The following SMARCA4 variants were observed in gnomAD, a reference collection of about 807,000 sequenced individuals.
SMARCA4 encodes SWI/SNF-related matrix-associated actin-dependent regulator of chromatin subfamily A member 4.
SMARCA4 carries 31 observed loss-of-function variants against 193.9 expected under a neutral mutation model. The observed-to-expected ratio is 0.16, with a 90% CI of 0.12 to 0.22. The LOEUF is 0.22. Among genes scored for constraint, SMARCA4 ranks in the 10% least tolerant of loss-of-function variants. SMARCA4 has a pLI of 1.00. For missense variants in SMARCA4, 1,148 were observed against 2,296.0 expected (o/e 0.50, Z 10.22); for synonymous variants, 942 against 933.1 (o/e 1.01, Z -0.17).
At chr19:11,005,026 G>C (rs907259586) in intron 13 of SMARCA4, among the ~76,000 whole-genome samples, 1 of 152,098 alleles carries the variant, frequency 6.6e-6, no homozygotes, top group African/African-American at 2.4e-5. Flanking sequence ...AGTAGAGACA[G>C]GGTTTCACCA....
chr19:11,055,133 A>T (rs149480795), intron 30 of SMARCA4, among the ~76,000 whole-genome samples: 1 of 152,200 alleles, frequency 6.6e-6, no homozygotes, highest in Non-Finnish European at 1.5e-5. Context: ...ATTCATCCAG[A>T]ACGTAATTCT....
Position 10,987,720 on chromosome 19 carries a change from C to A in SMARCA4, c.914C>A (p.Pro305Gln), listed in dbSNP as rs138097741. 1.2e-6 allele frequency: 2 copies of A among 1,610,316 alleles called. No homozygotes were observed. Among genetic ancestry groups the A allele is most frequent in the Non-Finnish European group, 1.7e-6 (2 of 1,178,084 alleles). The stretch of plus-strand genomic sequence containing the variant: ...AGCACCCCTCAGAAGCTGATTCCCC[C>A]GCAGCCAACGGGCCGCCCTTCCCCC... The part of the protein sequence containing the change: ...PTSTPQKLIP[P>Q]QPTGRPSPAP... The change falls in exon 6 of 35, where the codon CCG (proline) becomes CAG (glutamine). Residue 305 changes from proline to glutamine, a missense_variant. Physicochemically the swap from Pro to Gln is moderately conservative, Grantham distance 76. Transcript: ENST00000344626. The surrounding 1 kb of genome is among the most constrained non-coding windows in gnomAD (Gnocchi z 5.3).
At chr19:11,012,806 A>G in intron 15 of SMARCA4, 143 bp from the exon 16 acceptor site, 1 of 748,996 alleles carries the variant, frequency 1.3e-6, no homozygotes, top group Non-Finnish European at 2.4e-6. Context: ...TTCAGAGGAA[A>G]AATCCGTGGT....
intron 15 of SMARCA4, 173 bp from the exon 16 acceptor site, chr19:11,012,776 G>A (rs1281987162): frequency 2.3e-5 from 16 of 687,058 alleles, no homozygotes; most frequent in Non-Finnish European, 5.3e-6. Context: ...ATGAGGCTAA[G>A]CGATAAAGAA....
In SMARCA4 at chr19:11,058,901, G is replaced by T. The variant is rs34930626; in HGVS notation, c.4635+12G>T. The T allele has an allele frequency of 8.7e-6, 14 of 1,608,010 alleles. No individual in the cohort carries two copies. The highest frequency in any genetic ancestry group is 1.2e-5 in the Non-Finnish European group (14 of 1,174,906). On this transcript the variant is annotated intron_variant, in intron 32 of 34. Transcript: ENST00000344626. This position sits in a 1 kb window ranked among gnomAD's most constrained non-coding sequence, Gnocchi z 5.8. ...TGGAGGGCTCCCTGGTGAGGGCACC[G>T]CTGGGGGTTGGGGATGGGCCACTCC...
intron 11 of SMARCA4, among the ~76,000 whole-genome samples, chr19:10,998,266 C>G (rs917314771): frequency 2.0e-5 from 3 of 152,184 alleles, no homozygotes; most frequent in African/African-American, 7.2e-5. Flanking sequence ...TTATGTGTCT[C>G]TGGCAGGCAG....
chr19:10,966,302 A>C (rs1308353999), intron 1 of SMARCA4, among the ~76,000 whole-genome samples: 2 of 152,100 alleles, frequency 1.3e-5, no homozygotes, highest in Non-Finnish European at 2.9e-5. Context: ...AAAAATATCA[A>C]ATGTTCAGCC....
chr19:11,039,443 A>G lies in SMARCA4; in HGVS notation c.4171-1864A>G, dbSNP rs2075447807. The G allele has an allele frequency of 1.3e-6, 2 of 1,561,954 alleles. No homozygotes were observed. The highest frequency in any genetic ancestry group is 1.4e-5 in the African/African-American group (1 of 72,878). On this transcript the variant is annotated intron_variant, in intron 29 of 34. Coordinates refer to ENST00000344626, the MANE Select transcript of SMARCA4 (RefSeq NM_003072.5). ...CACTGAAACACTAAACAGACATTAAAAAATTTTGTTGTAGAAAATTACAGG... is the reference window on the plus strand; with the variant it reads ...CACTGAAACACTAAACAGACATTAAGAAATTTTGTTGTAGAAAATTACAGG...
Position 11,062,219 on chromosome 19 carries a change from G to C in SMARCA4, c.*403G>C. ...GTCAGACTCGCCGGGGGCCCGGCGA[G>C]GGTATGTCAGTGTCACTGGATGTCA... On this transcript the variant is annotated 3_prime_UTR_variant, in exon 35 of 35. Coordinates refer to ENST00000344626, the MANE Select transcript of SMARCA4 (RefSeq NM_003072.5). 3.3e-6 allele frequency: 1 copy of C among 303,258 alleles called. No individual in the cohort carries two copies. Among genetic ancestry groups the C allele is most frequent in the East Asian group, 5.1e-5 (1 of 19,566 alleles). The allele number at this position is 303,258 out of a possible 1,614,324, so 18.8% of individuals were successfully genotyped here.
intron 30 of SMARCA4, among the ~76,000 whole-genome samples, chr19:11,054,492 A>G (rs1473191014): frequency 6.6e-6 from 1 of 152,170 alleles, no homozygotes; most frequent in Admixed American, 6.5e-5. Context: ...CTTTAGCCTC[A>G]TGCTTAAGAT....
intron 1 of SMARCA4, among the ~76,000 whole-genome samples, chr19:10,980,299 G>A (rs1258580508): frequency 1.3e-5 from 2 of 152,116 alleles, no homozygotes; most frequent in East Asian, 1.9e-4. Flanking sequence ...GTGAAACCCC[G>A]TGCTTCTAAA....
chr19:11,016,094 C>T (rs1189813606), intron 16 of SMARCA4: 2 of 152,152 alleles, frequency 1.3e-5, no homozygotes, highest in African/African-American at 4.8e-5. Flanking sequence ...GCGGATTCCA[C>T]TCCTGGTGGA....
At chr19:11,003,219 C>A in intron 12 of SMARCA4, 60 bp downstream of exon 12, 1 of 1,611,862 alleles carries the variant, frequency 6.2e-7, no homozygotes, top group Non-Finnish European at 8.5e-7. Flanking sequence ...GGGCCTTGTT[C>A]CAGGGAGGTG....
Position 11,058,626 on chromosome 19 carries a change from C to T in SMARCA4, c.4534-162C>T, listed in dbSNP as rs1243386760. On this transcript the variant is annotated intron_variant, in intron 31 of 34. Coordinates refer to ENST00000344626, the MANE Select transcript of SMARCA4 (RefSeq NM_003072.5). This position sits in a 1 kb window ranked among gnomAD's most constrained non-coding sequence, Gnocchi z 5.8. ...CACTTAGTGCTGGGCCTCAGTCATG[C>T]AGTTCCCATGCCTAGTGAGCCAGGT... 6.6e-6 allele frequency among the ~76,000 whole-genome samples: 1 copy of T among 152,136 alleles called. No individual in the cohort carries two copies. The highest frequency in any genetic ancestry group is 1.5e-5 in the Non-Finnish European group (1 of 68,012).
intron 1 of SMARCA4, among the ~76,000 whole-genome samples, chr19:10,979,533 T>TA (rs1412406486): frequency 4.2e-4 from 61 of 144,324 alleles, no homozygotes; most frequent in South Asian, 1.7e-3. Flanking sequence ...TAAGCTAATT[T>TA]AAAAAAAAAA....
At chr19:11,060,892 T>A (rs750679155) in intron 34 of SMARCA4, among the ~76,000 whole-genome samples, 8 of 152,138 alleles carry the variant, frequency 5.3e-5, no homozygotes, top group Non-Finnish European at 1.2e-4. Context: ...AAGACGCACG[T>A]GACGTTTGAG....
In SMARCA4 at chr19:10,989,289, C is replaced by T. The variant is rs113425538; in HGVS notation, c.1119-28C>T. On this transcript the variant is annotated intron_variant, in intron 6 of 34. Transcript: ENST00000344626. ...CTGGGTGCCCTGGCAACCCTCTCAC[C>T]GCCTTTGCTCCTTGTCTCTGCTCCC... The T allele has an allele frequency of 5.2e-4, 833 of 1,613,400 alleles. 13 individuals carry two copies. In the African/African-American group the frequency reaches 8.4e-3, roughly 16 times the overall value.
At chr19:11,000,740 G>A (rs774325846) in intron 11 of SMARCA4, among the ~76,000 whole-genome samples, 21 of 151,806 alleles carry the variant, frequency 1.4e-4, no homozygotes, top group African/African-American at 2.4e-4. Flanking sequence ...TTAGCCAGGC[G>A]TGGTGGCAGG....
Position 10,986,050 on chromosome 19 carries a change from G to C in SMARCA4, c.356-139G>C. 1.3e-6 allele frequency: 1 copy of C among 766,466 alleles called. No homozygotes were observed. The highest frequency in any genetic ancestry group is 2.2e-6 in the Non-Finnish European group (1 of 445,524). The allele number at this position is 766,466 out of a possible 1,614,324, so 47.5% of individuals were successfully genotyped here. On this transcript the variant is annotated intron_variant, in intron 3 of 34. Coordinates refer to ENST00000344626, the MANE Select transcript of SMARCA4 (RefSeq NM_003072.5). The surrounding 1 kb of genome is among the most constrained non-coding windows in gnomAD (Gnocchi z 6.7). ...AGGTGCCTTCAGCATGTGCCCTCCA[G>C]GTGCCCCTGGTTGACTCAAGAGAAG...
Sources: gnomAD v4.1 joint callset for allele counts (sites outside exome capture counted in the v4.1 genomes callset) on GRCh38, gnomAD v4.1.1 for gene constraint, Gnocchi (gnomAD v3.1) non-coding constraint, MANE v1.5 for transcripts, NCBI Gene and HGNC (gene_info 2026-07-23, HGNC 2026-07-21) for gene names.